Variants in RUNDC3B observed in about 807,000 individuals in gnomAD.
The protein encoded by RUNDC3B is RUN domain-containing protein 3B.
In RUNDC3B, 33 loss-of-function variants were observed where a neutral mutation model predicts 58.4. The observed-to-expected ratio is 0.56, with a 90% CI of 0.43 to 0.75. The LOEUF is 0.75. Ranked by LOEUF, RUNDC3B falls within the 30% of genes least tolerant of loss-of-function variation. The pLI is 0.00. For synonymous variants in RUNDC3B, 193 were observed against 195.2 expected, an observed-to-expected ratio of 0.99 and a Z score of 0.10; for missense variants, 501 against 535.7, an observed-to-expected ratio of 0.94 and a Z score of 0.64.
At chr7:87,762,230 T>A (rs930287864) in intron 6 of RUNDC3B, among the ~76,000 whole-genome samples, 1 of 151,684 alleles carries the variant, frequency 6.6e-6, no homozygotes, top group Non-Finnish European at 1.5e-5. Context: ...ATTATTCATA[T>A]AGTTTTTCTC....
At chr7:87,727,571 A>G (rs1315853595) in intron 4 of RUNDC3B, among the ~76,000 whole-genome samples, 6 of 149,920 alleles carry the variant, frequency 4.0e-5, no homozygotes, top group South Asian at 2.1e-4. Flanking sequence ...GATTGCATGC[A>G]TCTGTCATTA....
At chr7:87,666,178 A>C (rs1030506350) in intron 2 of RUNDC3B, among the ~76,000 whole-genome samples, 2 of 152,158 alleles carry the variant, frequency 1.3e-5, no homozygotes, top group African/African-American at 4.8e-5. Flanking sequence ...AGTAATAGCC[A>C]TTCTGACTGG....
chr7:87,768,859 A>G (rs1302236157), intron 6 of RUNDC3B, among the ~76,000 whole-genome samples: 1 of 151,948 alleles, frequency 6.6e-6, no homozygotes, highest in Non-Finnish European at 1.5e-5. Context: ...TCTGAGGAGA[A>G]CTGGCATCTG....
intron 2 of RUNDC3B, among the ~76,000 whole-genome samples, chr7:87,698,333 A>AT (rs1216768059): frequency 6.6e-6 from 1 of 152,082 alleles, no homozygotes; most frequent in African/African-American, 2.4e-5. Context: ...TGACCACATG[A>AT]TCCTCCCACC....
chr7:87,745,452 TTTGTTGGTA>T (rs1350923374), intron 6 of RUNDC3B, among the ~76,000 whole-genome samples: 1 of 152,136 alleles, frequency 6.6e-6, no homozygotes, highest in Non-Finnish European at 1.5e-5. Flanking sequence ...CAGCTTCTTT[TTTGTTGGTA>T]ATTTTTTAAT....
intron 7 of RUNDC3B, 105 bp downstream of exon 7, chr7:87,770,854 T>A (rs918090239): frequency 6.9e-6 from 5 of 724,548 alleles, no homozygotes; most frequent in Non-Finnish European, 8.8e-6. Context: ...TATCCATTGC[T>A]GCTTCTCTTC....
At chr7:87,727,461 T>G (rs1413759127) in intron 4 of RUNDC3B, among the ~76,000 whole-genome samples, 2 of 152,214 alleles carry the variant, frequency 1.3e-5, no homozygotes, top group African/African-American at 4.8e-5. Context: ...TTTGTATTTC[T>G]TTGATTATTA....
chr7:87,695,096 A>T (rs370296893), intron 2 of RUNDC3B, among the ~76,000 whole-genome samples: 15 of 152,106 alleles, frequency 9.9e-5, no homozygotes, highest in East Asian at 5.8e-4. Flanking sequence ...ATGTAAGTAC[A>T]ATTGAGTATC....
chr7:87,697,389 G>A lies in RUNDC3B; in HGVS notation c.239-3032G>A, dbSNP rs28381731. The stretch of plus-strand genomic sequence containing the variant: ...GTACTTCATTTCTTGAGGGAAGTCT[G>A]GCAGCTGTAGCTCTCATTTTGAAAT... On this transcript the variant is annotated intron_variant, in intron 2 of 10. Coordinates refer to ENST00000394654, the MANE Select transcript of RUNDC3B (RefSeq NM_001134405.2). Among the ~76,000 whole-genome samples, 321 of 152,240 alleles carry A rather than the reference G, an allele frequency of 2.1e-3. 1 individual carries two copies. Among genetic ancestry groups the A allele is most frequent in the African/African-American group, 6.8e-3 (284 of 41,566 alleles).
At chr7:87,715,243 T>TATAATTATATTATATATAATTAATTTATA (rs1563157581) in intron 4 of RUNDC3B, among the ~76,000 whole-genome samples, 1 of 136,342 alleles carries the variant, frequency 7.3e-6, no homozygotes, top group African/African-American at 2.7e-5. Flanking sequence ...ACTTTATATA[T>TATAATTATATTATATATAATTAATTTATA]ATAATTATAT....
At chr7:87,672,142 A>G (rs1221671869) in intron 2 of RUNDC3B, among the ~76,000 whole-genome samples, 1 of 152,094 alleles carries the variant, frequency 6.6e-6, no homozygotes, top group Non-Finnish European at 1.5e-5. Flanking sequence ...GCATCATCCC[A>G]GGGAGAATTC....
At chr7:87,726,938 G>A (rs913611744) in intron 4 of RUNDC3B, among the ~76,000 whole-genome samples, 1 of 152,116 alleles carries the variant, frequency 6.6e-6, no homozygotes, top group African/African-American at 2.4e-5. Context: ...CATTGATTTT[G>A]TATCCTGAGA....
chr7:87,780,424 T>C (rs1834862624), intron 8 of RUNDC3B, among the ~76,000 whole-genome samples: 1 of 152,218 alleles, frequency 6.6e-6, no homozygotes, highest in African/African-American at 2.4e-5. Flanking sequence ...TATCTGTTCA[T>C]GTCCCTTGCC....
intron 2 of RUNDC3B, among the ~76,000 whole-genome samples, chr7:87,663,765 G>A (rs1370055451): frequency 1.3e-5 from 2 of 152,092 alleles, no homozygotes; most frequent in Non-Finnish European, 2.9e-5. Context: ...TTATTTCTCA[G>A]TTCTGGAGGA....
chr7:87,659,887 T>G (rs1206764403), intron 2 of RUNDC3B, among the ~76,000 whole-genome samples: 2 of 152,190 alleles, frequency 1.3e-5, no homozygotes, highest in Non-Finnish European at 2.9e-5. Context: ...GTTGCCTTTA[T>G]TTTTTAATGT....
chr7:87,825,511 G>T (rs1486492189), intron 10 of RUNDC3B, among the ~76,000 whole-genome samples: 1 of 152,182 alleles, frequency 6.6e-6, no homozygotes, highest in African/African-American at 2.4e-5. Flanking sequence ...TACCAGGGCA[G>T]TGCAGAAGGG....
chr7:87,689,283 C>G (rs954566147), intron 2 of RUNDC3B, among the ~76,000 whole-genome samples: 3 of 151,962 alleles, frequency 2.0e-5, no homozygotes, highest in African/African-American at 7.2e-5. Context: ...GATGGTAATT[C>G]ATGTTTATGT....
At chr7:87,774,133 C>T (rs1306008373) in intron 7 of RUNDC3B, among the ~76,000 whole-genome samples, 1 of 151,930 alleles carries the variant, frequency 6.6e-6, no homozygotes, top group Non-Finnish European at 1.5e-5. Flanking sequence ...TTTAGCACCA[C>T]CCACATGCCA....
chr7:87,795,597 G>A (rs1835771769), intron 8 of RUNDC3B, among the ~76,000 whole-genome samples: 2 of 152,002 alleles, frequency 1.3e-5, no homozygotes, highest in South Asian at 4.2e-4. Flanking sequence ...AAAAATAATG[G>A]CTGGGCATGG....
Sources: gnomAD v4.1 joint callset for allele counts (sites outside exome capture counted in the v4.1 genomes callset) on GRCh38, gnomAD v4.1.1 for gene constraint, MANE v1.5 for transcripts, NCBI Gene and HGNC (gene_info 2026-07-23, HGNC 2026-07-21) for gene names.